The following DUSP16 variants were observed in gnomAD, a reference collection of about 807,000 sequenced individuals.
DUSP16 encodes dual specificity phosphatase 16.
DUSP16 carries 21 observed loss-of-function variants against 58.3 expected under a neutral mutation model. The ratio of observed to expected loss-of-function variants is 0.36; its 90% confidence interval spans 0.26 to 0.52. The LOEUF is 0.52. Ranked by LOEUF, DUSP16 falls within the 20% of genes least tolerant of loss-of-function variation. The pLI is 0.94. For missense variants in DUSP16, 726 were observed against 819.0 expected (o/e 0.89, Z 1.39); for synonymous variants, 320 against 323.8 (o/e 0.99, Z 0.12).
chr12:12,511,566 G>T (rs78864754), intron 3 of DUSP16, among the ~76,000 whole-genome samples: 1,989 of 152,028 alleles, frequency 0.013, 52 homozygotes, highest in African/African-American at 0.044. Flanking sequence ...ATCTTTCAAG[G>T]TTTGATTAAA....
chr12:12,552,781 T>C (rs1944749326), intron 1 of DUSP16, among the ~76,000 whole-genome samples: 1 of 152,184 alleles, frequency 6.6e-6, no homozygotes, highest in African/African-American at 2.4e-5. Flanking sequence ...ACCCTCTTTG[T>C]TTTTTCTTCT....
rs142029217 is a variant in DUSP16, at chr12:12,523,480, G to A, written c.-365-2017C>T. Among the ~76,000 whole-genome samples the A allele has an allele frequency of 1.8e-3, 271 of 152,236 alleles. 2 individuals are homozygous for A. The highest frequency in any genetic ancestry group is 6.0e-3 in the African/African-American group (251 of 41,524). On this transcript the variant is annotated intron_variant, in intron 1 of 6. Transcript: ENST00000298573. ...AGGCTGACACACAGGGAGTTAGAAG[G>A]CACCTGAGATACTGTCTCAACCACA...
rs368666367 is a variant in DUSP16, at chr12:12,480,584, TAAGC to T, written c.692-242_692-239del. ...TGTTTGTTAATAAGCAATTCGTTAATAAGCAAGCTACTACTAACTCAGGTTTCCT... is the reference window on the plus strand; with the variant it reads ...TGTTTGTTAATAAGCAATTCGTTAATAAGCTACTACTAACTCAGGTTTCCT... On this transcript the variant is annotated intron_variant, in intron 5 of 6. Coordinates refer to ENST00000298573, the MANE Select transcript of DUSP16 (RefSeq NM_030640.3). Among the ~76,000 whole-genome samples, 536 of 152,334 alleles carry T rather than the reference TAAGC, an allele frequency of 3.5e-3. 4 individuals carry two copies. The highest frequency in any genetic ancestry group is 0.012 in the African/African-American group (493 of 41,574).
At chr12:12,525,858 G>A (rs1944299092) in intron 1 of DUSP16, among the ~76,000 whole-genome samples, 1 of 151,966 alleles carries the variant, frequency 6.6e-6, no homozygotes, top group South Asian at 2.1e-4. Context: ...AATGCTGGGG[G>A]TCACCACAGC....
Position 12,477,354 on chromosome 12 carries a change from C to T in DUSP16, c.1477G>A (p.Gly493Ser), listed in dbSNP as rs375119278. ...GATAAAAGGGACCTCTGGGCGGTGCCACTGCTGCTGGTTCTGACCGAATGC... is the reference window on the plus strand; with the variant it reads ...GATAAAAGGGACCTCTGGGCGGTGCTACTGCTGCTGGTTCTGACCGAATGC... Reference protein sequence around the residue: ...RLHSVRTSSSGTAQRSLLSPL... With the variant: ...RLHSVRTSSSSTAQRSLLSPL... Residue 493 changes from glycine to serine, a missense_variant, in exon 7 of 7, where the codon GGC becomes AGC. Coordinates refer to ENST00000298573, the MANE Select transcript of DUSP16 (RefSeq NM_030640.3). This position sits in a 1 kb window ranked among gnomAD's most constrained non-coding sequence, Gnocchi z 4.1. 8 of 1,614,182 alleles carry T rather than the reference C, an allele frequency of 5.0e-6. No individual in the cohort carries two copies. The highest frequency in any genetic ancestry group is 5.9e-6 in the Non-Finnish European group (7 of 1,180,016).
intron 4 of DUSP16, among the ~76,000 whole-genome samples, chr12:12,498,839 T>C (rs1434663158): frequency 1.3e-5 from 2 of 152,182 alleles, no homozygotes; most frequent in Non-Finnish European, 2.9e-5. Context: ...AAGCCTTCTA[T>C]AATAACTCCT....
rs1943494630 is a variant in DUSP16, at chr12:12,478,151, G to A, written c.816-136C>T. On this transcript the variant is annotated intron_variant, in intron 6 of 6. Transcript: ENST00000298573. ...GGAAGATGATTGGTTTACAAGTTCGGGGAGATGCTTCAAGGTGGAGAATAC... is the reference window on the plus strand; with the variant it reads ...GGAAGATGATTGGTTTACAAGTTCGAGGAGATGCTTCAAGGTGGAGAATAC... The A allele has an allele frequency of 4.9e-6, 4 of 810,756 alleles. No individual in the cohort carries two copies. The East Asian group carries it at 7.5e-5, about 15-fold the overall frequency. 50.2% of individuals were successfully genotyped at this position (810,756 alleles called of 1,614,324 possible).
chr12:12,519,283 C>CT (rs1041192567), intron 3 of DUSP16, among the ~76,000 whole-genome samples: 3 of 152,056 alleles, frequency 2.0e-5, no homozygotes, highest in African/African-American at 7.2e-5. Context: ...TACGTTGAGA[C>CT]TTTTTTTTAA....
chr12:12,477,445 C>T lies in DUSP16; in HGVS notation c.1386G>A (p.Lys462=), dbSNP rs1010244900. The T allele has an allele frequency of 1.2e-6, 2 of 1,603,372 alleles. No homozygotes were observed. Among genetic ancestry groups the T allele is most frequent in the African/African-American group, 2.7e-5 (2 of 74,484 alleles). ...GCTTCTTGGGGATGCTGGCTTCCTC[C>T]TTATCAGGACTGGTTTCGGGAGTCT... The part of the protein sequence containing the change: ...SEQTPETSPD[K]EEASIPKKLQ... The change falls in exon 7 of 7, where the codon AAG becomes AAA. Residue 462 remains lysine (K), a synonymous_variant. Coordinates refer to ENST00000298573, the MANE Select transcript of DUSP16 (RefSeq NM_030640.3). The surrounding 1 kb of genome is among the most constrained non-coding windows in gnomAD (Gnocchi z 4.1).
At chr12:12,494,210 C>T (rs1214309734) in intron 4 of DUSP16, among the ~76,000 whole-genome samples, 2 of 152,056 alleles carry the variant, frequency 1.3e-5, no homozygotes, top group African/African-American at 2.4e-5. Flanking sequence ...GACTGTTTTT[C>T]CTGGGTTGAA....
intron 1 of DUSP16, among the ~76,000 whole-genome samples, chr12:12,548,968 C>G (rs997560181): frequency 3.9e-5 from 6 of 152,102 alleles, no homozygotes; most frequent in African/African-American, 1.4e-4. Context: ...AGACCCCAAG[C>G]TGAAAAACCC....
chr12:12,557,924 T>C (rs1328457374), intron 1 of DUSP16, among the ~76,000 whole-genome samples: 1 of 152,172 alleles, frequency 6.6e-6, no homozygotes, highest in African/African-American at 2.4e-5. Context: ...CTCCCCCACT[T>C]CCCTCTCTCC....
At chr12:12,529,150 A>T (rs1359273956) in intron 1 of DUSP16, among the ~76,000 whole-genome samples, 1 of 152,162 alleles carries the variant, frequency 6.6e-6, no homozygotes, top group Non-Finnish European at 1.5e-5. Context: ...TTGCTCTGTC[A>T]CCCAAGGCTG....
chr12:12,518,512 C>CA (rs879763438), intron 3 of DUSP16, among the ~76,000 whole-genome samples: 1,252 of 120,228 alleles, frequency 0.01, 15 homozygotes, highest in African/African-American at 0.029. Context: ...AATTCTGTCT[C>CA]AAAAAAAAAA....
At chr12:12,512,039 ATG>A (rs1944085775) in intron 3 of DUSP16, among the ~76,000 whole-genome samples, 1 of 152,216 alleles carries the variant, frequency 6.6e-6, no homozygotes, top group African/African-American at 2.4e-5. Context: ...AATCTCAAGC[ATG>A]TGTCTTAGCC....
intron 4 of DUSP16, among the ~76,000 whole-genome samples, chr12:12,490,764 C>A (rs1197069937): frequency 1.3e-5 from 2 of 152,134 alleles, no homozygotes; most frequent in Admixed American, 1.3e-4. Context: ...TTAAAACTGT[C>A]CCCCAAATAC....
In DUSP16 at chr12:12,475,510, T is replaced by G. The variant is rs542599400; in HGVS notation, c.*1323A>C. ...ACAGCTTGGCCATGGCTTTGCACTCTATTCACAACTGATCAAAACTCAATG... is the reference window on the plus strand; with the variant it reads ...ACAGCTTGGCCATGGCTTTGCACTCGATTCACAACTGATCAAAACTCAATG... On this transcript the variant is annotated 3_prime_UTR_variant, in exon 7 of 7. Coordinates refer to ENST00000298573, the MANE Select transcript of DUSP16 (RefSeq NM_030640.3). 1.3e-5 allele frequency: 2 copies of G among 152,224 alleles called. No homozygotes were observed. Among genetic ancestry groups the G allele is most frequent in the African/African-American group, 4.8e-5 (2 of 41,460 alleles). The allele number at this position is 152,224 out of a possible 1,614,324, so 9.4% of individuals were successfully genotyped here.
In DUSP16 at chr12:12,555,336, G is replaced by C. The variant is rs151140228; in HGVS notation, c.-366+6781C>G. 3.3e-3 allele frequency among the ~76,000 whole-genome samples: 506 copies of C among 152,274 alleles called. 4 individuals carry two copies. Among genetic ancestry groups the C allele is most frequent in the African/African-American group, 0.011 (475 of 41,568 alleles). The stretch of plus-strand genomic sequence containing the variant: ...AACCCCTTGCAAACTGCAACTCAAA[G>C]CTCAAAACACAGTGCTCTAAGCTAG... On this transcript the variant is annotated intron_variant, in intron 1 of 6. Coordinates refer to ENST00000298573, the MANE Select transcript of DUSP16 (RefSeq NM_030640.3).
chr12:12,546,852 G>C (rs1265225938), intron 1 of DUSP16, among the ~76,000 whole-genome samples: 2 of 152,082 alleles, frequency 1.3e-5, no homozygotes, highest in African/African-American at 4.8e-5. Flanking sequence ...CTAAAGACTG[G>C]CTATCTGTCA....
Sources: gnomAD v4.1 joint callset for allele counts (sites outside exome capture counted in the v4.1 genomes callset) on GRCh38, gnomAD v4.1.1 for gene constraint, Gnocchi (gnomAD v3.1) non-coding constraint, MANE v1.5 for transcripts, NCBI Gene and HGNC (gene_info 2026-07-23, HGNC 2026-07-21) for gene names.